TPST2: variants seen among roughly 807,000 people sequenced by gnomAD.
TPST2 encodes the protein protein-tyrosine sulfotransferase 2.
In TPST2, 16 loss-of-function variants were observed where a neutral mutation model predicts 27.8. The ratio of observed to expected loss-of-function variants is 0.58; its 90% confidence interval spans 0.39 to 0.88. TPST2 has a LOEUF of 0.88. Among genes scored for constraint, TPST2 ranks in the 40% least tolerant of loss-of-function variants. The pLI is 0.00. For missense variants in TPST2, 464 were observed against 543.1 expected (o/e 0.85, Z 1.45); for synonymous variants, 229 against 231.7 (o/e 0.99, Z 0.10).
chr22:26,560,259 C>T (rs1486719569), intron 1 of TPST2, among the ~76,000 whole-genome samples: 1 of 152,074 alleles, frequency 6.6e-6, no homozygotes, highest in Non-Finnish European at 1.5e-5. Context: ...AGGATGGTCT[C>T]CTGGTTAAAG....
intron 1 of TPST2, among the ~76,000 whole-genome samples, chr22:26,571,789 T>C (rs1927636741): frequency 6.6e-6 from 1 of 152,156 alleles, no homozygotes; most frequent in Non-Finnish European, 1.5e-5. Context: ...AAACCCAAGA[T>C]CATGAACCTC....
chr22:26,559,353 G>A (rs1423729596), intron 1 of TPST2, among the ~76,000 whole-genome samples: 4 of 152,150 alleles, frequency 2.6e-5, no homozygotes, highest in East Asian at 1.9e-4. Context: ...ACAACAGAGC[G>A]AAACTCCATC....
chr22:26,576,614 CA>C (rs1927844949), intron 1 of TPST2, among the ~76,000 whole-genome samples: 1 of 151,980 alleles, frequency 6.6e-6, no homozygotes, highest in African/African-American at 2.4e-5. Flanking sequence ...TCACTGTGAA[CA>C]GAATTGTCTT....
chr22:26,583,517 CCTAGAAACA>C (rs1445433112), intron 1 of TPST2, among the ~76,000 whole-genome samples: 4 of 149,868 alleles, frequency 2.7e-5, no homozygotes, highest in Non-Finnish European at 5.9e-5. Flanking sequence ...CCTCCAATAT[CCTAGAAACA>C]CAGAGCTGGA....
chr22:26,545,656 G>A (rs1465923055), intron 1 of TPST2, among the ~76,000 whole-genome samples: 1 of 152,180 alleles, frequency 6.6e-6, no homozygotes, highest in African/African-American at 2.4e-5. Flanking sequence ...TTCAGGAGGT[G>A]GGTAGTTTGG....
chr22:26,556,257 G>A (rs574854806), intron 1 of TPST2, among the ~76,000 whole-genome samples: 1 of 152,138 alleles, frequency 6.6e-6, no homozygotes, highest in Non-Finnish European at 1.5e-5. Flanking sequence ...TAAAAATATG[G>A]GCCAGGAGCA....
rs367931390 is a variant in TPST2, at chr22:26,572,299, G to A, written c.-161+17754C>T. ...TTCTGCGGGGAGGCTAAGCAAGTAGGGTATAGGGCTGGAGGTGTGGGGCCA... is the reference window on the plus strand; with the variant it reads ...TTCTGCGGGGAGGCTAAGCAAGTAGAGTATAGGGCTGGAGGTGTGGGGCCA... On this transcript the variant is annotated intron_variant, in intron 1 of 6. Coordinates refer to ENST00000338754, the MANE Select transcript of TPST2 (RefSeq NM_003595.5). Among the ~76,000 whole-genome samples, 25 of 152,230 alleles carry A rather than the reference G, an allele frequency of 1.6e-4. No homozygotes were observed. In the South Asian group the frequency reaches 5.0e-3, roughly 30 times the overall value.
chr22:26,538,833 C>T (rs935305879), intron 3 of TPST2, among the ~76,000 whole-genome samples: 1 of 152,116 alleles, frequency 6.6e-6, no homozygotes, highest in Non-Finnish European at 1.5e-5. Context: ...AACAACAAAA[C>T]AACAACAAAA....
chr22:26,560,602 C>T (rs1047514985), intron 1 of TPST2: 23 of 1,167,878 alleles, frequency 2.0e-5, no homozygotes, highest in Non-Finnish European at 2.6e-5. Flanking sequence ...TGTCGGGAGG[C>T]GCATAAGAAG....
At chr22:26,570,039 GAA>G (rs1927563587) in intron 1 of TPST2, among the ~76,000 whole-genome samples, 1 of 126,270 alleles carries the variant, frequency 7.9e-6, no homozygotes, top group Non-Finnish European at 1.7e-5. Context: ...AAGAAAGAAA[GAA>G]AGACAGAAAG....
chr22:26,525,951 A>G lies in TPST2; in HGVS notation c.*324T>C, dbSNP rs1361609918. The stretch of plus-strand genomic sequence containing the variant: ...CCTTGTCCCAGCAAACAAAGCCACC[A>G]AGGCAGTCCTGCAAATTAAGGAGGA... On this transcript the variant is annotated 3_prime_UTR_variant, in exon 7 of 7. Coordinates refer to ENST00000338754, the MANE Select transcript of TPST2 (RefSeq NM_003595.5). 1 of 152,236 alleles carries G rather than the reference A, an allele frequency of 6.6e-6. No homozygotes were observed. Among genetic ancestry groups the G allele is most frequent in the African/African-American group, 2.4e-5 (1 of 41,460 alleles). The allele number at this position is 152,236 out of a possible 1,614,324, so 9.4% of individuals were successfully genotyped here. A position where few individuals can be genotyped will look rare whatever the true frequency, so the allele number is the denominator to read the frequency against.
At position 26,536,338 on chromosome 22, in the gene TPST2, G is replaced by T. The variant is rs781750742; in HGVS notation, c.991C>A (p.Pro331Thr). The T allele has an allele frequency of 1.2e-6, 2 of 1,614,160 alleles. No homozygotes were observed. Among genetic ancestry groups the T allele is most frequent in the African/African-American group, 1.3e-5 (1 of 75,064 alleles). Residue 331 changes from proline (P) to threonine (T), a missense_variant, in exon 4 of 7, where the codon CCC (proline) becomes ACC (threonine). Physicochemically the swap from Pro to Thr is conservative, Grantham distance 38. Coordinates refer to ENST00000338754, the MANE Select transcript of TPST2 (RefSeq NM_003595.5). ...AQLGYDPYANPPNYGNPDPFV... is the reference protein window; with the variant it reads ...AQLGYDPYANTPNYGNPDPFV... ...GGGTCAGGGTTGCCATAGTTGGGGG[G>T]GTTTGCATAAGGGTCATAGCCGAGC...
rs1034565857 is a variant in TPST2 at position 26,541,533 on chromosome 22, G to A, written c.98C>T (p.Ala33Val). 28 of 1,611,504 alleles carry A rather than the reference G, an allele frequency of 1.7e-5. No individual in the cohort carries two copies. The highest frequency in any genetic ancestry group is 4.5e-5 in the East Asian group (2 of 44,846). ...GGGGCTCCGCAGGCCCGCCAGCACCGCCCGGCACTCTAGCACCTGCTGTCC... is the reference window on the plus strand; with the variant it reads ...GGGGCTCCGCAGGCCCGCCAGCACCACCCGGCACTCTAGCACCTGCTGTCC... ...QLGQQVLECR[A>V]VLAGLRSPRG... The change falls in exon 3 of 7, where the codon GCG becomes GTG. Residue 33 changes from alanine to valine, a missense_variant. Ala to Val is a moderately conservative substitution (Grantham distance 64). Coordinates refer to ENST00000338754, the MANE Select transcript of TPST2 (RefSeq NM_003595.5). The surrounding 1 kb of genome is among the most constrained non-coding windows in gnomAD (Gnocchi z 5.9).
chr22:26,529,396 C>T (rs1925024923), intron 5 of TPST2, among the ~76,000 whole-genome samples: 1 of 152,176 alleles, frequency 6.6e-6, no homozygotes, highest in Non-Finnish European at 1.5e-5. Flanking sequence ...TCCCAAAGTG[C>T]TAGGATTACA....
chr22:26,561,004 C>T, intron 1 of TPST2: 1 of 1,606,856 alleles, frequency 6.2e-7, no homozygotes, highest in Non-Finnish European at 8.5e-7. Flanking sequence ...AAGGATATTG[C>T]TGCATATCGA....
At chr22:26,537,641 C>T (rs184678697) in intron 3 of TPST2, among the ~76,000 whole-genome samples, 5 of 152,090 alleles carry the variant, frequency 3.3e-5, no homozygotes, top group Admixed American at 6.6e-5. Flanking sequence ...TTAGAAGAGA[C>T]GGGGTTTCAC....
intron 1 of TPST2, among the ~76,000 whole-genome samples, chr22:26,554,340 T>C (rs1469804522): frequency 2.0e-5 from 3 of 152,142 alleles, no homozygotes; most frequent in African/African-American, 7.2e-5. Context: ...TGCTCAGGAC[T>C]TCCTGCCCAG....
At chr22:26,572,204 A>G (rs1927655916) in intron 1 of TPST2, among the ~76,000 whole-genome samples, 1 of 152,194 alleles carries the variant, frequency 6.6e-6, no homozygotes, top group Non-Finnish European at 1.5e-5. Flanking sequence ...CCCAGACTGC[A>G]GTGTTGGTTC....
chr22:26,589,447 A>C (rs780264249), intron 1 of TPST2, among the ~76,000 whole-genome samples: 19 of 151,364 alleles, frequency 1.3e-4, no homozygotes, highest in Non-Finnish European at 2.7e-4. Flanking sequence ...AGCGGAGTTT[A>C]CGGAGGGAGG....
Sources: allele counts gnomAD v4.1 joint callset (sites outside exome capture counted in the v4.1 genomes callset), GRCh38; gene constraint gnomAD v4.1.1; non-coding constraint Gnocchi (gnomAD v3.1); transcripts MANE v1.5; gene names NCBI Gene and HGNC (gene_info 2026-07-23, HGNC 2026-07-21).